The following ADGRD1 variants were observed in gnomAD, a reference collection of about 807,000 sequenced individuals.
ADGRD1 encodes adhesion G protein-coupled receptor D1, also known as G-protein coupled receptor 133.
ADGRD1 carries 77 observed loss-of-function variants against 113.4 expected under a neutral mutation model. The observed-to-expected ratio is 0.68, with a 90% confidence interval of 0.57 to 0.82. The LOEUF (loss-of-function observed/expected upper bound fraction) is 0.82. Among genes scored for constraint, ADGRD1 ranks in the 40% least tolerant of loss-of-function variants. ADGRD1 has a pLI of 0.00. For synonymous variants in ADGRD1, 474 were observed against 475.0 expected (o/e 1.00, Z 0.03); for missense variants, 1,036 against 1,139.1 (o/e 0.91, Z 1.30).
rs1372426270 is a variant in ADGRD1 at position 131,041,033 on chromosome 12, C to A, written c.1473+26693C>A. The stretch of plus-strand genomic sequence containing the variant: ...CCCCGGAGTTTGCCATCATCCCCAC[C>A]TGGATGGTCCCTGGGGACATCTGAG... On this transcript the variant is annotated intron_variant, in intron 13 of 24. Transcript: ENST00000261654. This position sits in a 1 kb window ranked among gnomAD's most constrained non-coding sequence, Gnocchi z 4.4. Among the ~76,000 whole-genome samples, 1 of 152,216 alleles carries A rather than the reference C, an allele frequency of 6.6e-6. No homozygotes were observed. Among genetic ancestry groups the A allele is most frequent in the Non-Finnish European group, 1.5e-5 (1 of 68,044 alleles).
chr12:131,072,622 G>A (rs1357122953), intron 13 of ADGRD1, among the ~76,000 whole-genome samples: 1 of 152,160 alleles, frequency 6.6e-6, no homozygotes, highest in South Asian at 2.1e-4. Flanking sequence ...GGGGGGTGGC[G>A]CCTGCATTCT....
In ADGRD1 at chr12:130,965,789, G is replaced by A. The variant is rs1225224737; in HGVS notation, c.104-674G>A. ...TGTTTACTCAAAGTATAAGGATCAC[G>A]AAGGAAATTTCAAACTGAGTAATGC... On this transcript the variant is annotated intron_variant, in intron 2 of 24. Coordinates refer to ENST00000261654, the MANE Select transcript of ADGRD1 (RefSeq NM_198827.5). This position sits in a 1 kb window ranked among gnomAD's most constrained non-coding sequence, Gnocchi z 4.8. 6.6e-6 allele frequency among the ~76,000 whole-genome samples: 1 copy of A among 152,190 alleles called. No homozygotes were observed. The highest frequency in any genetic ancestry group is 6.5e-5 in the Admixed American group (1 of 15,284).
At chr12:130,960,214 A>T (rs1870174454) in intron 2 of ADGRD1, among the ~76,000 whole-genome samples, 1 of 152,238 alleles carries the variant, frequency 6.6e-6, no homozygotes. Flanking sequence ...GCATGTCATT[A>T]CCCAGCAGTT....
At chr12:131,005,153 G>A (rs1010922349) in intron 11 of ADGRD1, among the ~76,000 whole-genome samples, 2 of 152,172 alleles carry the variant, frequency 1.3e-5, no homozygotes, top group African/African-American at 2.4e-5. Context: ...AAGGTGCCCC[G>A]ACTGGTTCTC....
At chr12:131,056,564 A>G (rs1244937899) in intron 13 of ADGRD1, among the ~76,000 whole-genome samples, 1 of 152,200 alleles carries the variant, frequency 6.6e-6, no homozygotes, top group Non-Finnish European at 1.5e-5. Flanking sequence ...AGCACCGATA[A>G]CATTAACATG....
chr12:131,003,358 G>A lies in ADGRD1; in HGVS notation c.1144+56G>A, dbSNP rs776950357. 11 of 1,177,774 alleles carry A rather than the reference G, an allele frequency of 9.3e-6. No homozygotes were observed. Among genetic ancestry groups the A allele is most frequent in the African/African-American group, 6.0e-5 (4 of 66,424 alleles). The allele number at this position is 1,177,774 out of a possible 1,614,324, so 73.0% of individuals were successfully genotyped here. On this transcript the variant is annotated intron_variant, in intron 10 of 24. Coordinates refer to ENST00000261654, the MANE Select transcript of ADGRD1 (RefSeq NM_198827.5). The surrounding 1 kb of genome is among the most constrained non-coding windows in gnomAD (Gnocchi z 4.8). ...GGCAGGGGCGGGGGCTGGAGGCTGC[G>A]TTTCACTGCCTGTCTTTTTACACCC...
rs763551794 is a variant in ADGRD1, at chr12:130,984,949, CTTTT to C, written c.491-2144_491-2141del. Among the ~76,000 whole-genome samples the C allele has an allele frequency of 6.7e-6, 1 of 150,348 alleles. No homozygotes were observed. Among genetic ancestry groups the C allele is most frequent in the African/African-American group, 2.5e-5 (1 of 40,736 alleles). ...CTCTTCTCTCTTTCTCTCTTTCTTT[CTTTT>C]TCTTTCTGACAGGATCTGTCATCCA... is the stretch of plus-strand genomic sequence containing the variant. On this transcript the variant is annotated intron_variant, in intron 5 of 24. Transcript: ENST00000261654. The surrounding 1 kb of genome is among the most constrained non-coding windows in gnomAD (Gnocchi z 4.1).
intron 9 of ADGRD1, chr12:131,002,416 TC>T (rs1876501060): frequency 2.9e-6 from 2 of 682,414 alleles, no homozygotes; most frequent in Non-Finnish European, 3.6e-6. Context: ...GCCTCAGCAT[TC>T]TATTTCCAGC....
At chr12:130,994,762 A>C (rs947589008) in intron 8 of ADGRD1, among the ~76,000 whole-genome samples, 1 of 152,234 alleles carries the variant, frequency 6.6e-6, no homozygotes, top group Non-Finnish European at 1.5e-5. Context: ...AATTAAGCAC[A>C]TTGTGCAGCC....
At chr12:131,033,994 G>A (rs565158279) in intron 13 of ADGRD1, among the ~76,000 whole-genome samples, 3 of 152,236 alleles carry the variant, frequency 2.0e-5, no homozygotes, top group African/African-American at 7.2e-5. Context: ...GGTACCCATC[G>A]TCACCATCAC....
intron 15 of ADGRD1, among the ~76,000 whole-genome samples, chr12:131,090,845 T>G (rs4759841): frequency 0.45 from 68,059 of 152,112 alleles, 17,894 homozygotes; most frequent in East Asian, 0.87. Flanking sequence ...GCACAGGCAT[T>G]TTGATTTTGA....
chr12:130,999,132 T>A (rs181514290), intron 8 of ADGRD1, among the ~76,000 whole-genome samples: 1 of 152,392 alleles, frequency 6.6e-6, no homozygotes, highest in East Asian at 1.9e-4. Flanking sequence ...ATTATGTTTC[T>A]GTGTGATAGA....
chr12:130,980,239 G>A (rs12426159), intron 4 of ADGRD1, among the ~76,000 whole-genome samples: 44,723 of 151,364 alleles, frequency 0.3, 7,926 homozygotes, highest in Admixed American at 0.4. Flanking sequence ...TGAGCAGCTG[G>A]GACGACAGGC....
In ADGRD1 at chr12:130,965,709, A is replaced by G. The variant is rs1178345590; in HGVS notation, c.104-754A>G. 6.6e-6 allele frequency among the ~76,000 whole-genome samples: 1 copy of G among 152,274 alleles called. No individual in the cohort carries two copies. Among genetic ancestry groups the G allele is most frequent in the Non-Finnish European group, 1.5e-5 (1 of 68,052 alleles). On this transcript the variant is annotated intron_variant, in intron 2 of 24. Coordinates refer to ENST00000261654, the MANE Select transcript of ADGRD1 (RefSeq NM_198827.5). This position sits in a 1 kb window ranked among gnomAD's most constrained non-coding sequence, Gnocchi z 4.8. ...TTAGATAGAAACAAAGAAATAATTC[A>G]TATAGCATTCAATGAGAAGAGCAGA...
chr12:131,004,403 C>G, intron 11 of ADGRD1, 107 bp downstream of exon 11: 1 of 851,692 alleles, frequency 1.2e-6, no homozygotes, highest in South Asian at 1.5e-5. Flanking sequence ...CTGCGGTGCT[C>G]CCCCGGGCCG....
chr12:131,037,208 AGGTCTCACTCACTGCACTG>A (rs71095330), intron 13 of ADGRD1, among the ~76,000 whole-genome samples: 19,838 of 125,368 alleles, frequency 0.16, 1,578 homozygotes, highest in African/African-American at 0.22. Context: ...TCACTACACC[AGGTCTCACTCACTGCACTG>A]GGTCTCACTC....
At chr12:131,011,275 C>T (rs1220595150) in intron 12 of ADGRD1, among the ~76,000 whole-genome samples, 1 of 151,216 alleles carries the variant, frequency 6.6e-6, no homozygotes, top group Non-Finnish European at 1.5e-5. Flanking sequence ...TTGACTTGGC[C>T]GACATCTGGC....
chr12:131,002,936 A>T, intron 9 of ADGRD1: 1 of 773,378 alleles, frequency 1.3e-6, no homozygotes, highest in Non-Finnish European at 2.0e-6. Context: ...GTCTAAGTGT[A>T]GAAATGCAGG....
intron 7 of ADGRD1, 189 bp downstream of exon 7, chr12:130,991,267 G>GA (rs1299169231): frequency 2.0e-6 from 1 of 491,954 alleles, no homozygotes. Flanking sequence ...TGACTGAAGG[G>GA]AAAACTCTCA....
Sources: gnomAD v4.1 joint callset for allele counts (sites outside exome capture counted in the v4.1 genomes callset) on GRCh38, gnomAD v4.1.1 for gene constraint, Gnocchi (gnomAD v3.1) non-coding constraint, MANE v1.5 for transcripts, NCBI Gene and HGNC (gene_info 2026-07-23, HGNC 2026-07-21) for gene names.